ZNF618: variants seen among roughly 807,000 people sequenced by gnomAD.
The protein encoded by ZNF618 is zinc finger protein 618.
A neutral mutation model predicts 103.0 loss-of-function variants in ZNF618; 34 were observed. That is an observed-to-expected ratio of 0.33 (90% CI 0.25 to 0.44). The LOEUF is 0.44. ZNF618 is among the 20% of genes least tolerant of loss of function. The probability of loss-of-function intolerance (pLI) is 1.00; values close to 1 mark genes in which losing one functional copy is unlikely to be tolerated. For missense variants in ZNF618, 1,059 were observed against 1,295.4 expected (o/e 0.82, Z 2.80); for synonymous variants, 551 against 542.2 (o/e 1.02, Z -0.23).
chr9:114,009,015 A>G (rs1842008209), intron 9 of ZNF618, among the ~76,000 whole-genome samples: 1 of 152,212 alleles, frequency 6.6e-6, no homozygotes, highest in East Asian at 1.9e-4. Context: ...TGAGCTGTCC[A>G]GGGCAGCCAC....
chr9:113,897,127 A>G (rs1409266679), intron 1 of ZNF618, among the ~76,000 whole-genome samples: 1 of 152,144 alleles, frequency 6.6e-6, no homozygotes, highest in African/African-American at 2.4e-5. Context: ...GTGTTTTTTA[A>G]TATGGAACTT....
intron 1 of ZNF618, among the ~76,000 whole-genome samples, chr9:113,955,494 A>G (rs1836194871): frequency 6.6e-6 from 1 of 151,900 alleles, no homozygotes; most frequent in Admixed American, 6.6e-5. Flanking sequence ...TTTTGCGTAT[A>G]CTATTTTGAT....
chr9:113,970,548 C>T (rs1837859757), intron 2 of ZNF618, among the ~76,000 whole-genome samples: 1 of 151,998 alleles, frequency 6.6e-6, no homozygotes, highest in Admixed American at 6.6e-5. Flanking sequence ...CCTAAATTTG[C>T]CCATAAATGG....
In ZNF618 at chr9:113,970,109, G is replaced by T. The variant is rs116959663; in HGVS notation, c.77+949G>T. 1.8e-4 allele frequency among the ~76,000 whole-genome samples: 28 copies of T among 152,230 alleles called. No individual in the cohort carries two copies. In the East Asian group the frequency reaches 5.0e-3, roughly 27 times the overall value. On this transcript the variant is annotated intron_variant, in intron 2 of 14. Coordinates refer to ENST00000374126, the MANE Select transcript of ZNF618 (RefSeq NM_001318042.2). ...CAGTGGGTTAAACAAAATTAAAAAGGTTTATTTGCTGTGAGACTTTCCAGA... is the reference window on the plus strand; with the variant it reads ...CAGTGGGTTAAACAAAATTAAAAAGTTTTATTTGCTGTGAGACTTTCCAGA...
Position 113,988,762 on chromosome 9 carries a change from G to A in ZNF618, c.337+182G>A, listed in dbSNP as rs192414970. Among the ~76,000 whole-genome samples, 7 of 152,304 alleles carry A rather than the reference G, an allele frequency of 4.6e-5. No homozygotes were observed. The East Asian group carries it at 5.8e-4, about 13-fold the overall frequency. On this transcript the variant is annotated intron_variant, in intron 3 of 14. Transcript: ENST00000374126. ...ACTTGCCTTTGCTTGTGCAGTTTCC[G>A]GCTGGAGAGCGCTTCTGTTTCTGCT...
At chr9:114,007,872 G>T (rs542296846) in intron 7 of ZNF618, among the ~76,000 whole-genome samples, 149 of 152,304 alleles carry the variant, frequency 9.8e-4, no homozygotes, top group African/African-American at 3.5e-3. Context: ...TAGAAAGAGG[G>T]TCTTAGACCT....
At chr9:113,926,252 C>A (rs1833083722) in intron 1 of ZNF618, among the ~76,000 whole-genome samples, 1 of 148,822 alleles carries the variant, frequency 6.7e-6, no homozygotes, top group Non-Finnish European at 1.5e-5. Flanking sequence ...CCTTATTCTT[C>A]TTATAAGTAA....
chr9:114,009,059 C>A (rs1842013715), intron 9 of ZNF618, among the ~76,000 whole-genome samples: 1 of 152,334 alleles, frequency 6.6e-6, no homozygotes, highest in Admixed American at 6.5e-5. Flanking sequence ...CAGGACACCC[C>A]TTGAGGGCAG....
At position 114,013,732 on chromosome 9, in the gene ZNF618, G is replaced by A. The variant is rs543094551; in HGVS notation, c.755-2963G>A. Among the ~76,000 whole-genome samples, 39 of 152,310 alleles carry A rather than the reference G, an allele frequency of 2.6e-4. No individual in the cohort carries two copies. The East Asian group carries it at 7.3e-3, about 29-fold the overall frequency. On this transcript the variant is annotated intron_variant, in intron 9 of 14. Coordinates refer to ENST00000374126, the MANE Select transcript of ZNF618 (RefSeq NM_001318042.2). ...AGGCGTGAGCCACCACACCCAGCCA[G>A]GGTTTTATTTTTTTAAAAGGAAGGA...
At chr9:113,921,029 A>G (rs1047589248) in intron 1 of ZNF618, among the ~76,000 whole-genome samples, 1 of 152,202 alleles carries the variant, frequency 6.6e-6, no homozygotes, top group Non-Finnish European at 1.5e-5. Flanking sequence ...GCAATGGCTG[A>G]CCTATTGGTG....
chr9:113,879,553 C>T (rs919492859), intron 1 of ZNF618, among the ~76,000 whole-genome samples: 1 of 151,796 alleles, frequency 6.6e-6, no homozygotes, highest in Non-Finnish European at 1.5e-5. Flanking sequence ...GGCTCTCTCA[C>T]CTCCTATTTT....
intron 4 of ZNF618, among the ~76,000 whole-genome samples, chr9:113,999,222 T>A (rs1161949141): frequency 6.6e-6 from 1 of 151,002 alleles, no homozygotes; most frequent in Admixed American, 6.6e-5. Flanking sequence ...GGCTTTAGGC[T>A]GTGCGAGGGG....
At chr9:113,889,320 T>C (rs1829379876) in intron 1 of ZNF618, among the ~76,000 whole-genome samples, 1 of 146,406 alleles carries the variant, frequency 6.8e-6, no homozygotes, top group Admixed American at 7.2e-5. Context: ...CGCTACCATC[T>C]CTCTCTCTCT....
At chr9:113,969,284 T>A in intron 2 of ZNF618, 124 bp downstream of exon 2, 2 of 1,186,966 alleles carry the variant, frequency 1.7e-6, no homozygotes, top group Admixed American at 3.6e-5. Flanking sequence ...CAGCCCTCCT[T>A]GGCAAGAAGT....
rs757736507 is a variant in ZNF618 at position 114,052,853 on chromosome 9, T to G, written c.*2686T>G. The G allele has an allele frequency of 6.6e-6, 1 of 152,262 alleles. No individual in the cohort carries two copies. The highest frequency in any genetic ancestry group is 1.9e-4 in the East Asian group (1 of 5,194). 9.4% of individuals were successfully genotyped at this position (152,262 alleles called of 1,614,324 possible). A position where few individuals can be genotyped will look rare whatever the true frequency, so the allele number is the denominator to read the frequency against. ...TTAGAGCACTCAGCATTCTTCTCTT[T>G]GAAGCATGGGATGTCTGTCCTCCAG... On this transcript the variant is annotated 3_prime_UTR_variant, in exon 15 of 15. Coordinates refer to ENST00000374126, the MANE Select transcript of ZNF618 (RefSeq NM_001318042.2).
intron 9 of ZNF618, among the ~76,000 whole-genome samples, chr9:114,011,704 T>A (rs1356159273): frequency 6.6e-6 from 1 of 152,220 alleles, no homozygotes; most frequent in Non-Finnish European, 1.5e-5. Context: ...AGAAACACCC[T>A]GGCAGGAGTG....
At position 114,008,529 on chromosome 9, in the gene ZNF618, G is replaced by A. The variant is rs757394566; in HGVS notation, c.729G>A (p.Pro243=). 14 of 1,613,846 alleles carry A rather than the reference G, an allele frequency of 8.7e-6. No homozygotes were observed. Among genetic ancestry groups the A allele is most frequent in the Middle Eastern group, 1.6e-4 (1 of 6,084 alleles). Residue 243 remains proline, a synonymous_variant, in exon 9 of 15, where the codon CCG becomes CCA. Transcript: ENST00000374126. ...CGGACGAGGTGAAGGAGGAGCCCCC[G>A]GAGCCATTCCAGAAAATCGGGCCAA... The part of the protein sequence containing the change: ...VATDEVKEEP[P]EPFQKIGPKT...
At position 113,964,773 on chromosome 9, in the gene ZNF618, G is replaced by A. The variant is rs1161777382; in HGVS notation, c.34-4344G>A. Among the ~76,000 whole-genome samples the A allele has an allele frequency of 9.6e-5, 3 of 31,282 alleles. No individual in the cohort carries two copies. The East Asian group carries it at 2.7e-3, about 28-fold the overall frequency. The allele number at this position is 31,282 out of a possible 152,430, so 20.5% of individuals were successfully genotyped here. On this transcript the variant is annotated intron_variant, in intron 1 of 14. Coordinates refer to ENST00000374126, the MANE Select transcript of ZNF618 (RefSeq NM_001318042.2). ...TGCTTTTTTTTTTTTTTTTTTTTTT[G>A]GTTGCTGCTATTCCTTTAAGATTTT...
At chr9:113,907,462 G>A (rs183379092) in intron 1 of ZNF618, among the ~76,000 whole-genome samples, 4 of 152,202 alleles carry the variant, frequency 2.6e-5, no homozygotes, top group East Asian at 1.9e-4. Flanking sequence ...CTTGCTGGCC[G>A]TTCACTGTTC....
Sources: allele counts gnomAD v4.1 joint callset (sites outside exome capture counted in the v4.1 genomes callset), GRCh38; gene constraint gnomAD v4.1.1; transcripts MANE v1.5; gene names NCBI Gene and HGNC (gene_info 2026-07-23, HGNC 2026-07-21).